Variants in SHCBP1 observed in about 807,000 individuals in gnomAD.
SHCBP1 encodes SHC binding and spindle associated 1.
A neutral mutation model predicts 75.1 loss-of-function variants in SHCBP1; 60 were observed. The ratio of observed to expected loss-of-function variants is 0.80; its 90% CI spans 0.65 to 0.99. SHCBP1 has a LOEUF of 0.99. Ranked by LOEUF, SHCBP1 falls within the 50% of genes least tolerant of loss-of-function variation. The probability of loss-of-function intolerance (pLI) is 0.00; values close to 1 mark genes in which losing one functional copy is unlikely to be tolerated. For missense variants in SHCBP1, 709 were observed against 809.4 expected (o/e 0.88, Z 1.50); for synonymous variants, 290 against 293.2 (o/e 0.99, Z 0.11).
intron 9 of SHCBP1, among the ~76,000 whole-genome samples, chr16:46,596,729 ACTT>A (rs1965149428): frequency 1.4e-5 from 2 of 144,554 alleles, no homozygotes; most frequent in Admixed American, 6.9e-5. Context: ...AAATGAGTAA[ACTT>A]TTTTTTTTTT....
Position 46,581,799 on chromosome 16 carries a change from A to G in SHCBP1, c.1949T>C (p.Met650Thr). ...QADDNLMSQE[M>T]FVGIVGNQFK... Reference sequence around the variant, plus strand: ...CTGGTTCCCCACAATCCCAACAAACATCTCCTGTGACATTAAGTTGTCATC... The same window carrying G: ...CTGGTTCCCCACAATCCCAACAAACGTCTCCTGTGACATTAAGTTGTCATC... The change falls in exon 13 of 13, where the codon ATG (methionine) becomes ACG (threonine). Residue 650 changes from methionine to threonine, a missense_variant. Met to Thr is a moderately conservative substitution (Grantham distance 81). Coordinates refer to ENST00000303383, the MANE Select transcript of SHCBP1 (RefSeq NM_024745.5). 6.2e-7 allele frequency: 1 copy of G among 1,614,116 alleles called. No homozygotes were observed. Among genetic ancestry groups the G allele is most frequent in the South Asian group, 1.1e-5 (1 of 91,086 alleles).
In SHCBP1 at chr16:46,604,392, T is replaced by C; in HGVS notation, c.759A>G (p.Gln253=). The C allele has an allele frequency of 1.2e-6, 2 of 1,614,176 alleles. No homozygotes were observed. Among genetic ancestry groups the C allele is most frequent in the Non-Finnish European group, 8.5e-7 (1 of 1,180,006 alleles). ...LIVDYHNLLS[Q]CEESYRKFLN... is the part of the protein sequence containing the mutation. ...AAAATTTCCTGTAACTCTCCTCACA[T>C]TGAGACAACAGATTGTGGTAGTCAA... Residue 253 remains glutamine, a synonymous_variant, in exon 6 of 13, where the codon CAA becomes CAG. Coordinates refer to ENST00000303383, the MANE Select transcript of SHCBP1 (RefSeq NM_024745.5).
At chr16:46,612,623 G>A (rs1054313860) in intron 4 of SHCBP1, among the ~76,000 whole-genome samples, 1 of 152,258 alleles carries the variant, frequency 6.6e-6, no homozygotes, top group East Asian at 1.9e-4. Flanking sequence ...TCCTGCCTCA[G>A]AGCCGTTGTA....
At chr16:46,582,114 A>G (rs1964881058) in intron 12 of SHCBP1, 60 bp from the exon 13 acceptor site, 1 of 1,495,340 alleles carries the variant, frequency 6.7e-7, no homozygotes, top group South Asian at 1.3e-5. Flanking sequence ...ACAAAAACAT[A>G]TATTTCTACA....
chr16:46,589,496 G>C (rs879899253), intron 10 of SHCBP1, among the ~76,000 whole-genome samples: 19 of 152,116 alleles, frequency 1.2e-4, no homozygotes, highest in Non-Finnish European at 2.4e-4. Context: ...CAAAATCAAT[G>C]TGCAAAAATC....
In SHCBP1 at chr16:46,595,533, A is replaced by G. The variant is rs765492713; in HGVS notation, c.1464+19T>C. ...AACTTAAACACAAACTACTTCCCCA[A>G]GAGGACAAGAGCTTCTACCTTGGCG... On this transcript the variant is annotated intron_variant, in intron 10 of 12. Transcript: ENST00000303383. 2.7e-5 allele frequency: 43 copies of G among 1,587,812 alleles called. No individual in the cohort carries two copies. The highest frequency in any genetic ancestry group is 3.5e-5 in the Non-Finnish European group (41 of 1,156,420).
chr16:46,583,537 T>C lies in SHCBP1; in HGVS notation c.1672A>G (p.Asn558Asp). 6.3e-7 allele frequency: 1 copy of C among 1,599,480 alleles called. No individual in the cohort carries two copies. Among genetic ancestry groups the C allele is most frequent in the Non-Finnish European group, 8.5e-7 (1 of 1,176,866 alleles). Residue 558 changes from asparagine to aspartate, a missense_variant, in exon 12 of 13, where the codon AAT becomes GAT. Coordinates refer to ENST00000303383, the MANE Select transcript of SHCBP1 (RefSeq NM_024745.5). ...KPTIFSDLQE[N>D]AEDGTEENKA... ...ATACCTTCAGTTCCATCTTCAGCAT[T>C]TTCTTGCAGGTCAGAGAAGATTGTA... is the stretch of plus-strand genomic sequence containing the variant.
intron 4 of SHCBP1, among the ~76,000 whole-genome samples, chr16:46,610,409 C>T (rs930014999): frequency 6.6e-6 from 1 of 151,950 alleles, no homozygotes. Flanking sequence ...AATGAGGGTC[C>T]GCTTCTGCCC....
At chr16:46,585,843 T>C (rs1002750862) in intron 10 of SHCBP1, among the ~76,000 whole-genome samples, 4 of 152,242 alleles carry the variant, frequency 2.6e-5, no homozygotes, top group Admixed American at 1.3e-4. Context: ...GTGGAGACCA[T>C]GTAGGAAGCT....
rs1403796329 is a variant in SHCBP1, at chr16:46,617,626, A to T, written c.387+8T>A. 1 of 1,611,096 alleles carries T rather than the reference A, an allele frequency of 6.2e-7. No homozygotes were observed. The highest frequency in any genetic ancestry group is 8.5e-7 in the Non-Finnish European group (1 of 1,177,662). On this transcript the variant is annotated splice_region_variant and intron_variant, in intron 3 of 12. Transcript: ENST00000303383. Reference sequence around the variant, plus strand: ...GAGACAAAGGTCTAATAACAAAATTAACCTTACCTCAACCAGCACCTTGAA... The same window carrying T: ...GAGACAAAGGTCTAATAACAAAATTTACCTTACCTCAACCAGCACCTTGAA...
intron 9 of SHCBP1, among the ~76,000 whole-genome samples, chr16:46,597,469 ATGTT>A (rs1345550041): frequency 2.6e-5 from 4 of 152,312 alleles, no homozygotes; most frequent in Admixed American, 6.5e-5. Flanking sequence ...AATGAGTACT[ATGTT>A]TATAATGCAT....
In SHCBP1 at chr16:46,595,639, GT is replaced by G. The variant is rs1229704394; in HGVS notation, c.1376del (p.Asn459ThrfsTer20). Reference sequence around the variant, plus strand: ...CGGTCGTCTCACACTGCAGCACACAGTTTTCCAGCGTAGTCTTACCACGGTG... The same window carrying G: ...CGGTCGTCTCACACTGCAGCACACAGTTTCCAGCGTAGTCTTACCACGGTG... ...IVHRGKTTLE[N>X]CVLQCETTGV... On this transcript the variant is annotated frameshift_variant, in exon 10 of 13. Coordinates refer to ENST00000303383, the MANE Select transcript of SHCBP1 (RefSeq NM_024745.5). LOFTEE classifies it high-confidence loss of function. The G allele has an allele frequency of 6.2e-7, 1 of 1,613,968 alleles. No individual in the cohort carries two copies. The highest frequency in any genetic ancestry group is 8.5e-7 in the Non-Finnish European group (1 of 1,179,994).
At chr16:46,609,861 A>G (rs1015221314) in intron 4 of SHCBP1, among the ~76,000 whole-genome samples, 1 of 152,156 alleles carries the variant, frequency 6.6e-6, no homozygotes, top group Non-Finnish European at 1.5e-5. Flanking sequence ...ATGTATCATG[A>G]GGCAGCTTCA....
chr16:46,609,968 C>T (rs1363993661), intron 4 of SHCBP1, among the ~76,000 whole-genome samples: 3 of 139,382 alleles, frequency 2.2e-5, no homozygotes, highest in Non-Finnish European at 3.2e-5. Context: ...TTTTTTTTTT[C>T]AGATGGAGTT....
intron 5 of SHCBP1, among the ~76,000 whole-genome samples, chr16:46,605,390 G>C (rs1428680116): frequency 6.6e-6 from 1 of 152,050 alleles, no homozygotes; most frequent in African/African-American, 2.4e-5. Flanking sequence ...GGAGTTTGAG[G>C]CCAGCCTGGG....
intron 10 of SHCBP1, among the ~76,000 whole-genome samples, chr16:46,590,616 G>A (rs1186659897): frequency 6.6e-6 from 1 of 152,188 alleles, no homozygotes; most frequent in East Asian, 1.9e-4. Flanking sequence ...AACACAATGA[G>A]ATACCATTTC....
chr16:46,617,816 T>G, intron 2 of SHCBP1, 67 bp from the exon 3 acceptor site: 8 of 1,219,262 alleles, frequency 6.6e-6, no homozygotes, highest in Non-Finnish European at 9.7e-6. Context: ...ATAAATCCAC[T>G]TTCTCAGAAA....
chr16:46,612,002 G>A (rs1965423322), intron 4 of SHCBP1, among the ~76,000 whole-genome samples: 1 of 152,200 alleles, frequency 6.6e-6, no homozygotes, highest in Non-Finnish European at 1.5e-5. Flanking sequence ...TGGTTCCAAG[G>A]TTGATTAGGG....
intron 9 of SHCBP1, among the ~76,000 whole-genome samples, chr16:46,597,434 A>G (rs1965161303): frequency 6.6e-6 from 1 of 152,224 alleles, no homozygotes; most frequent in African/African-American, 2.4e-5. Context: ...TTGTGTTTAT[A>G]CTAATGAGCA....
Sources: allele counts gnomAD v4.1 joint callset (sites outside exome capture counted in the v4.1 genomes callset), GRCh38; gene constraint gnomAD v4.1.1; transcripts MANE v1.5; gene names NCBI Gene and HGNC (gene_info 2026-07-23, HGNC 2026-07-21).